ACAD11: variants seen among roughly 807,000 people sequenced by gnomAD.
ACAD11 encodes acyl-Coenzyme A dehydrogenase family, member 11.
A neutral mutation model predicts 102.2 loss-of-function variants in ACAD11; 83 were observed. That is an observed-to-expected ratio of 0.81 (90% CI 0.68 to 0.97). The LOEUF is 0.97. Among genes scored for constraint, ACAD11 ranks in the 50% least tolerant of loss-of-function variants. ACAD11 has a pLI of 0.00. For synonymous variants in ACAD11, 324 were observed against 319.8 expected (o/e 1.01, Z -0.14); for missense variants, 901 against 951.7 (o/e 0.95, Z 0.70).
intron 1 of ACAD11, 85 bp downstream of exon 1, chr3:132,659,518 A>G (rs994868366): frequency 1.3e-6 from 2 of 1,578,800 alleles, no homozygotes; most frequent in Non-Finnish European, 1.7e-6. Context: ...GGGTGGGAGA[A>G]ACTTAGGAAA....
At position 132,605,137 on chromosome 3, in the gene ACAD11, G is replaced by T. The variant is rs375003975; in HGVS notation, c.1483C>A (p.Leu495Ile). The T allele has an allele frequency of 1.2e-6, 2 of 1,613,428 alleles. No homozygotes were observed. The highest frequency in any genetic ancestry group is 4.5e-5 in the East Asian group (2 of 44,854). ...CAAGAGGTAATGTTCCCTTGAAGAA[G>T]AGGCTCAAGCCACTGTTTCTTCTGT... ...EEQKKQWLEP[L>I]LQGNITSCFC... Residue 495 changes from leucine (L) to isoleucine (I), a missense_variant, in exon 12 of 20, where the codon CTT becomes ATT. Coordinates refer to ENST00000264990, the MANE Select transcript of ACAD11 (RefSeq NM_032169.5).
chr3:132,567,111 T>C (rs1395422039), intron 17 of ACAD11, among the ~76,000 whole-genome samples: 1 of 152,042 alleles, frequency 6.6e-6, no homozygotes, highest in African/African-American at 2.4e-5. Context: ...CCCGAATAGC[T>C]GGGGTTACAG....
At chr3:132,583,419 C>T (rs1348929887) in intron 13 of ACAD11, among the ~76,000 whole-genome samples, 3 of 152,134 alleles carry the variant, frequency 2.0e-5, no homozygotes, top group South Asian at 4.1e-4. Context: ...TTTTTTATTG[C>T]ATCTATTTGA....
chr3:132,603,438 T>C, intron 12 of ACAD11, 111 bp from the exon 13 acceptor site: 1 of 874,722 alleles, frequency 1.1e-6, no homozygotes, highest in Non-Finnish European at 1.8e-6. Context: ...TCAATGTCCT[T>C]TCACTCCCCA....
chr3:132,598,885 G>A (rs900537024), intron 13 of ACAD11, among the ~76,000 whole-genome samples: 1 of 152,190 alleles, frequency 6.6e-6, no homozygotes, highest in African/African-American at 2.4e-5. Context: ...GTGAAGAGAT[G>A]TGTCTTCCAG....
rs1296621498 is a variant in ACAD11, at chr3:132,619,174, A to G, written c.1275+294T>C. On this transcript the variant is annotated intron_variant, in intron 10 of 19. Transcript: ENST00000264990. ...GAAATTTGGATTAATTCTATGTGGG[A>G]CAAATGCCCTGCCTTGACTTCAGTC... 2.6e-5 allele frequency among the ~76,000 whole-genome samples: 4 copies of G among 152,322 alleles called. No homozygotes were observed. In the East Asian group the frequency reaches 7.7e-4, roughly 29 times the overall value.
chr3:132,560,819 T>A (rs532261596), intron 18 of ACAD11, among the ~76,000 whole-genome samples: 1 of 152,102 alleles, frequency 6.6e-6, no homozygotes, highest in Admixed American at 6.5e-5. Context: ...AGTGGCAGAG[T>A]GGGTGCAGTT....
intron 9 of ACAD11, among the ~76,000 whole-genome samples, chr3:132,623,068 T>C (rs1215718729): frequency 6.6e-6 from 1 of 152,208 alleles, no homozygotes; most frequent in African/African-American, 2.4e-5. Context: ...TTTTAATATT[T>C]TCCAATTGGA....
intron 9 of ACAD11, among the ~76,000 whole-genome samples, chr3:132,621,978 C>CAAAAA (rs546732705): frequency 3.8e-5 from 3 of 79,978 alleles, no homozygotes; most frequent in Admixed American, 2.5e-4. Context: ...GACTCTGTCT[C>CAAAAA]AAAAAAAAAA....
intron 13 of ACAD11, among the ~76,000 whole-genome samples, chr3:132,586,484 A>G (rs1325214852): frequency 1.3e-5 from 2 of 152,202 alleles, no homozygotes; most frequent in East Asian, 3.9e-4. Context: ...TAAAACTTAA[A>G]GTGTAATAAA....
intron 9 of ACAD11, chr3:132,620,434 A>G (rs1429692250): frequency 6.6e-6 from 1 of 152,232 alleles, no homozygotes; most frequent in African/African-American, 2.4e-5. Flanking sequence ...ACAAAGCCTT[A>G]AATAACTTTC....
chr3:132,626,804 C>G lies in ACAD11; in HGVS notation c.1084G>C (p.Val362Leu), dbSNP rs6776576. ...LQLSKRTFST[V>L]LPQIDTTGQL... ...CCAGTAGTATCAATCTGTGGTAGTA[C>G]AGTACTGAAAGTTCTTTGCCAAAAG... Residue 362 changes from valine to leucine, a missense_variant, in exon 9 of 20, where the codon GTA becomes CTA. Coordinates refer to ENST00000264990, the MANE Select transcript of ACAD11 (RefSeq NM_032169.5). 9.8e-5 allele frequency: 158 copies of G among 1,611,392 alleles called. No individual in the cohort carries two copies. The highest frequency in any genetic ancestry group is 1.3e-4 in the Non-Finnish European group (152 of 1,179,440).
intron 17 of ACAD11, among the ~76,000 whole-genome samples, chr3:132,574,986 C>T (rs761056805): frequency 3.3e-5 from 5 of 152,018 alleles, no homozygotes; most frequent in Admixed American, 6.5e-5. Flanking sequence ...AGGTGCACAT[C>T]GCCATGCCTG....
chr3:132,603,873 A>C (rs1343969619), intron 12 of ACAD11, among the ~76,000 whole-genome samples: 1 of 152,186 alleles, frequency 6.6e-6, no homozygotes, highest in Non-Finnish European at 1.5e-5. Context: ...GCACTTCAGA[A>C]CTGTCTAGCT....
chr3:132,561,426 T>G (rs1937053475), intron 17 of ACAD11: 1 of 537,002 alleles, frequency 1.9e-6, no homozygotes, highest in African/African-American at 1.9e-5. Context: ...CAGTTAAAAT[T>G]GAAATATTTT....
At chr3:132,573,861 T>A (rs73860755) in intron 17 of ACAD11, among the ~76,000 whole-genome samples, 2,334 of 152,236 alleles carry the variant, frequency 0.015, 49 homozygotes, top group African/African-American at 0.053. Context: ...CAGCCTGGAG[T>A]AAATTAGAAG....
chr3:132,579,430 CT>C, intron 14 of ACAD11, 61 bp downstream of exon 14: 2 of 1,322,422 alleles, frequency 1.5e-6, no homozygotes, highest in Non-Finnish European at 2.2e-6. Flanking sequence ...AGTAAATTAC[CT>C]AGATAGGAGG....
chr3:132,629,520 C>T (rs1486166538), intron 7 of ACAD11, among the ~76,000 whole-genome samples: 1 of 152,104 alleles, frequency 6.6e-6, no homozygotes, highest in African/African-American at 2.4e-5. Flanking sequence ...AAATGAAAAG[C>T]CATTTCAAAT....
intron 4 of ACAD11, among the ~76,000 whole-genome samples, chr3:132,641,325 C>T (rs891518732): frequency 2.0e-5 from 3 of 151,958 alleles, no homozygotes; most frequent in Non-Finnish European, 2.9e-5. Flanking sequence ...GGGCGGATCA[C>T]GAGGTCAGGA....
Sources: allele counts gnomAD v4.1 joint callset (sites outside exome capture counted in the v4.1 genomes callset), GRCh38; gene constraint gnomAD v4.1.1; transcripts MANE v1.5; gene names NCBI Gene and HGNC (gene_info 2026-07-23, HGNC 2026-07-21).